WDR36: variants seen among roughly 807,000 people sequenced by gnomAD.
WDR36 encodes WD repeat-containing protein 36.
Under a neutral mutation model 112.7 loss-of-function variants are expected in WDR36, and 63 were observed. The observed-to-expected ratio is 0.56, with a 90% confidence interval of 0.46 to 0.69. The LOEUF (loss-of-function observed/expected upper bound fraction) is 0.69, where lower values mean the gene tolerates loss of function less well. Among genes scored for constraint, WDR36 ranks in the 30% least tolerant of loss-of-function variants. The pLI is 0.00. For synonymous variants in WDR36, 410 were observed against 362.2 expected (o/e 1.13, Z -1.50); for missense variants, 1,226 against 1,070.3 (o/e 1.15, Z -2.03).
At chr5:111,120,939 AT>A in intron 18 of WDR36, 56 bp from the exon 19 acceptor site, 1 of 1,436,802 alleles carries the variant, frequency 7.0e-7, no homozygotes, top group Non-Finnish European at 9.8e-7. Flanking sequence ...TTTGGAATGA[AT>A]TAAGTTGCTT....
chr5:111,128,950 G>A lies in WDR36; in HGVS notation c.*2067G>A, dbSNP rs1753731290. 5.2e-6 allele frequency: 1 copy of A among 192,746 alleles called. No homozygotes were observed. Among genetic ancestry groups the A allele is most frequent in the African/African-American group, 2.3e-5 (1 of 43,030 alleles). 11.9% of individuals were successfully genotyped at this position (192,746 alleles called of 1,614,324 possible). Reference sequence around the variant, plus strand: ...ACTCTCCTAGATCTTCTTTTAGAGTGTTTTTATGAGTGTTTAATGTAGGAA... The same window carrying A: ...ACTCTCCTAGATCTTCTTTTAGAGTATTTTTATGAGTGTTTAATGTAGGAA... On this transcript the variant is annotated 3_prime_UTR_variant, in exon 23 of 23. Transcript: ENST00000513710.
chr5:111,118,940 C>T (rs747329609), intron 16 of WDR36, 73 bp from the exon 17 acceptor site: 41 of 1,301,324 alleles, frequency 3.2e-5, no homozygotes, highest in Non-Finnish European at 4.4e-5. Context: ...ATCTTTTTGG[C>T]AAAAATATTT....
chr5:111,094,104 AT>A (rs1354188903), intron 1 of WDR36, among the ~76,000 whole-genome samples: 1 of 152,192 alleles, frequency 6.6e-6, no homozygotes, highest in Non-Finnish European at 1.5e-5. Flanking sequence ...GACTATGGCT[AT>A]ATATGCTGTC....
chr5:111,121,457 G>A (rs946913759), intron 19 of WDR36, among the ~76,000 whole-genome samples: 3 of 152,038 alleles, frequency 2.0e-5, no homozygotes, highest in African/African-American at 7.2e-5. Context: ...TTTCTAAAAC[G>A]AGCGGGAACA....
At chr5:111,122,922 C>G (rs1272065989) in intron 19 of WDR36, among the ~76,000 whole-genome samples, 1 of 152,084 alleles carries the variant, frequency 6.6e-6, no homozygotes, top group Non-Finnish European at 1.5e-5. Flanking sequence ...CCAGCCTGGT[C>G]AACATGGTGA....
chr5:111,123,780 T>C, intron 19 of WDR36, 25 bp from the exon 20 acceptor site: 1 of 1,612,322 alleles, frequency 6.2e-7, no homozygotes, highest in Non-Finnish European at 8.5e-7. Flanking sequence ...ATTCCTATTT[T>C]TCTTTCTCAT....
intron 5 of WDR36, 64 bp from the exon 6 acceptor site, chr5:111,102,281 T>C (rs1753134767): frequency 1.6e-6 from 2 of 1,223,416 alleles, no homozygotes; most frequent in Non-Finnish European, 2.4e-6. Flanking sequence ...TTTTAATGTG[T>C]AGCTGATATT....
In WDR36 at chr5:111,119,116, C is replaced by A. The variant is rs756480432; in HGVS notation, c.1900C>A (p.Leu634Ile). 1 of 1,606,844 alleles carries A rather than the reference C, an allele frequency of 6.2e-7. No individual in the cohort carries two copies. The highest frequency in any genetic ancestry group is 1.7e-5 in the Admixed American group (1 of 59,982). The change falls in exon 17 of 23, where the codon CTA (leucine) becomes ATA (isoleucine). Residue 634 changes from leucine to isoleucine, a missense_variant. Transcript: ENST00000513710. Reference sequence around the variant, plus strand: ...CCATGTGGACCACCTTGGAATTTATCTATGGTAAGTTCTTTCATACAGTTC... The same window carrying A: ...CCATGTGGACCACCTTGGAATTTATATATGGTAAGTTCTTTCATACAGTTC... ...TSHVDHLGIY[L>I]WSNISLYSVV...
intron 12 of WDR36, 80 bp downstream of exon 12, chr5:111,107,519 A>G: frequency 6.4e-7 from 1 of 1,553,174 alleles, no homozygotes; most frequent in Non-Finnish European, 8.8e-7. Flanking sequence ...GTTTCTCATC[A>G]TAATATTGAC....
intron 16 of WDR36, among the ~76,000 whole-genome samples, chr5:111,115,070 C>G (rs1334039627): frequency 6.6e-6 from 1 of 152,002 alleles, no homozygotes; most frequent in Non-Finnish European, 1.5e-5. Context: ...ATTTTCAGCT[C>G]TAGTATCTTT....
intron 19 of WDR36, among the ~76,000 whole-genome samples, chr5:111,122,286 A>C (rs539161643): frequency 6.6e-6 from 1 of 152,308 alleles, no homozygotes; most frequent in Non-Finnish European, 1.5e-5. Context: ...AATTGAGCAG[A>C]GTTTTGGGGC....
Position 111,126,830 on chromosome 5 carries a change from C to T in WDR36, c.2635C>T (p.Leu879Phe), listed in dbSNP as rs763541803. ...VEENWTHLQS[L>F]FNQSMCILNY... ...AGAAAACTGGACCCATTTGCAATCACTCTTCAATCAAAGCATGTGTATTTT... is the reference window on the plus strand; with the variant it reads ...AGAAAACTGGACCCATTTGCAATCATTCTTCAATCAAAGCATGTGTATTTT... The change falls in exon 23 of 23, where the codon CTC (leucine) becomes TTC (phenylalanine). Residue 879 changes from leucine to phenylalanine, a missense_variant. Physicochemically the swap from Leu to Phe is conservative, Grantham distance 22. Transcript: ENST00000513710. The T allele has an allele frequency of 5.0e-6, 8 of 1,613,160 alleles. No individual in the cohort carries two copies. In the East Asian group the frequency reaches 1.6e-4, roughly 31 times the overall value.
Position 111,110,233 on chromosome 5 carries a change from C to G in WDR36, c.1371C>G (p.Leu457=). ...GTGGAAACTTTGCTGTAATTGGCCTCTCATCAGGAACTGTAGATGTATATA... is the reference window on the plus strand; with the variant it reads ...GTGGAAACTTTGCTGTAATTGGCCTGTCATCAGGAACTGTAGATGTATATA... ...TSCGNFAVIG[L]SSGTVDVYNM... The change falls in exon 13 of 23, where the codon CTC becomes CTG. Residue 457 remains leucine (L), a synonymous_variant. Coordinates refer to ENST00000513710, the MANE Select transcript of WDR36 (RefSeq NM_139281.3). The G allele has an allele frequency of 6.2e-7, 1 of 1,610,884 alleles. No individual in the cohort carries two copies. The highest frequency in any genetic ancestry group is 8.5e-7 in the Non-Finnish European group (1 of 1,177,656).
intron 10 of WDR36, among the ~76,000 whole-genome samples, chr5:111,105,851 A>C (rs764326735): frequency 2.6e-5 from 4 of 151,606 alleles, no homozygotes; most frequent in Admixed American, 6.6e-5. Context: ...CATGTATATA[A>C]ATTTTAAGAT....
intron 16 of WDR36, among the ~76,000 whole-genome samples, chr5:111,117,843 A>G (rs761684819): frequency 6.6e-6 from 1 of 152,020 alleles, no homozygotes; most frequent in Admixed American, 6.6e-5. Context: ...AAACCAGTAT[A>G]CTCTGCTTAA....
chr5:111,107,862 G>C (rs1330139010), intron 12 of WDR36, among the ~76,000 whole-genome samples: 1 of 151,360 alleles, frequency 6.6e-6, no homozygotes, highest in Admixed American at 6.6e-5. Context: ...TCTTATACCA[G>C]TACCACACTG....
intron 19 of WDR36, among the ~76,000 whole-genome samples, chr5:111,122,969 G>A (rs1753598299): frequency 6.6e-6 from 1 of 152,072 alleles, no homozygotes; most frequent in South Asian, 2.1e-4. Context: ...AATGAGCCAG[G>A]CATGTTGTAC....
chr5:111,102,361 T>G lies in WDR36; in HGVS notation c.559T>G (p.Phe187Val). ...TTCTTGTAGTAAACTTCTATATACA[T>G]TTCCAGGATGGAAAGTTGGAGTGAC... is the stretch of plus-strand genomic sequence containing the variant. ...NVKSNKLLYT[F>V]PGWKVGVTAL... The change falls in exon 6 of 23, where the codon TTT becomes GTT. Residue 187 changes from phenylalanine (F) to valine (V), a missense_variant. Physicochemically the swap from Phe to Val is conservative, Grantham distance 50. Transcript: ENST00000513710. The G allele has an allele frequency of 6.2e-7, 1 of 1,610,458 alleles. No homozygotes were observed. The highest frequency in any genetic ancestry group is 1.1e-5 in the South Asian group (1 of 90,952).
rs765945573 is a variant in WDR36, at chr5:111,111,308, A to G, written c.1716+30A>G. ...AACAAACTCTAACTAATAAAACTTGACTCATTTCTACTTTTGTTTGGGTGT... is the reference window on the plus strand; with the variant it reads ...AACAAACTCTAACTAATAAAACTTGGCTCATTTCTACTTTTGTTTGGGTGT... On this transcript the variant is annotated intron_variant, in intron 15 of 22. Transcript: ENST00000513710. The G allele has an allele frequency of 1.9e-6, 3 of 1,559,158 alleles. No homozygotes were observed. In the Admixed American group the frequency reaches 5.0e-5, roughly 26 times the overall value.
Sources: gnomAD v4.1 joint callset for allele counts (sites outside exome capture counted in the v4.1 genomes callset) on GRCh38, gnomAD v4.1.1 for gene constraint, MANE v1.5 for transcripts, NCBI Gene and HGNC (gene_info 2026-07-23, HGNC 2026-07-21) for gene names.